ZBTB16: variants seen among roughly 807,000 people sequenced by gnomAD.
The protein encoded by ZBTB16 is zinc finger and BTB domain-containing protein 16.
ZBTB16 carries 8 observed loss-of-function variants against 56.8 expected under a neutral mutation model. The ratio of observed to expected loss-of-function variants is 0.14; its 90% CI spans 0.08 to 0.25. The LOEUF is 0.25. Ranked by LOEUF, ZBTB16 falls within the 10% of genes least tolerant of loss-of-function variation. The pLI, the probability that ZBTB16 is intolerant of heterozygous loss-of-function variation, is 1.00. For missense variants in ZBTB16, 625 were observed against 903.0 expected (o/e 0.69, Z 3.95); for synonymous variants, 363 against 368.5 (o/e 0.98, Z 0.17).
At chr11:114,094,465 G>A (rs1464832701) in intron 2 of ZBTB16, among the ~76,000 whole-genome samples, 1 of 152,220 alleles carries the variant, frequency 6.6e-6, no homozygotes, top group African/African-American at 2.4e-5. Flanking sequence ...TTGATGAAGG[G>A]CATGGGCCAC....
At chr11:114,152,666 T>C (rs1463791881) in intron 2 of ZBTB16, among the ~76,000 whole-genome samples, 1 of 152,202 alleles carries the variant, frequency 6.6e-6, no homozygotes, top group African/African-American at 2.4e-5. Context: ...AGGATGGAGA[T>C]GCGTGGGCTG....
At chr11:114,097,489 G>A (rs978525967) in intron 2 of ZBTB16, among the ~76,000 whole-genome samples, 1 of 152,080 alleles carries the variant, frequency 6.6e-6, no homozygotes, top group African/African-American at 2.4e-5. Context: ...CAATAAAAAT[G>A]TATTTTATGT....
chr11:114,215,382 G>C (rs1944075344), intron 4 of ZBTB16, among the ~76,000 whole-genome samples: 2 of 152,136 alleles, frequency 1.3e-5, no homozygotes, highest in South Asian at 4.1e-4. Flanking sequence ...CTGGAGGATT[G>C]AGATGGGTTA....
At chr11:114,170,724 A>G (rs71477234) in intron 3 of ZBTB16, among the ~76,000 whole-genome samples, 11 of 152,128 alleles carry the variant, frequency 7.2e-5, no homozygotes, top group Non-Finnish European at 1.5e-4. Flanking sequence ...CTTACTGACT[A>G]TTATAAGCTA....
chr11:114,118,062 T>G (rs1485624161), intron 2 of ZBTB16, among the ~76,000 whole-genome samples: 1 of 152,198 alleles, frequency 6.6e-6, no homozygotes, highest in East Asian at 1.9e-4. Context: ...ACAACTGACT[T>G]AATCACAGGA....
intron 3 of ZBTB16, among the ~76,000 whole-genome samples, chr11:114,172,687 G>A (rs1458554322): frequency 6.6e-6 from 1 of 152,168 alleles, no homozygotes; most frequent in Non-Finnish European, 1.5e-5. Context: ...GGTCTCAAAG[G>A]TGCACGTGGA....
chr11:114,172,736 C>T (rs568787659), intron 3 of ZBTB16, among the ~76,000 whole-genome samples: 3 of 152,304 alleles, frequency 2.0e-5, no homozygotes, highest in South Asian at 4.1e-4. Context: ...ACACCAAACT[C>T]GCAGGTCTTC....
At chr11:114,076,849 C>A (rs1231329800) in intron 2 of ZBTB16, among the ~76,000 whole-genome samples, 28 of 152,104 alleles carry the variant, frequency 1.8e-4, no homozygotes, top group Admixed American at 1.8e-3. Flanking sequence ...CTCTCCCGCG[C>A]CTTTCCCCCC....
rs1341307356 is a variant in ZBTB16 at position 114,254,882 on chromosome 11, G to T, written c.*4327G>T. Among the ~76,000 whole-genome samples, 1 of 152,186 alleles carries T rather than the reference G, an allele frequency of 6.6e-6. No individual in the cohort carries two copies. Among genetic ancestry groups the T allele is most frequent in the African/African-American group, 2.4e-5 (1 of 41,434 alleles). On this transcript the variant is annotated 3_prime_UTR_variant, in exon 7 of 7. Coordinates refer to ENST00000335953, the MANE Select transcript of ZBTB16 (RefSeq NM_006006.6). ...GAGGGGTGCAGGACAAACCAGAGAG[G>T]TTGGGTCAGGGGAAAAGGGTGGGGA...
chr11:114,235,947 T>C (rs1944581041), intron 4 of ZBTB16, among the ~76,000 whole-genome samples: 1 of 152,046 alleles, frequency 6.6e-6, no homozygotes, highest in Middle Eastern at 3.4e-3. Flanking sequence ...TCCCAGATAT[T>C]TGCATGGATC....
intron 3 of ZBTB16, chr11:114,180,800 A>T (rs1166388243): frequency 1.3e-5 from 2 of 152,280 alleles, no homozygotes; most frequent in African/African-American, 4.8e-5. Flanking sequence ...GGCGCAGGGT[A>T]TCAGGGATAT....
chr11:114,144,921 A>G (rs1942058540), intron 2 of ZBTB16, among the ~76,000 whole-genome samples: 1 of 152,214 alleles, frequency 6.6e-6, no homozygotes, highest in Non-Finnish European at 1.5e-5. Context: ...AGGGGTTGAA[A>G]TCACATATGT....
intron 2 of ZBTB16, among the ~76,000 whole-genome samples, chr11:114,073,956 G>T (rs1279313570): frequency 6.6e-6 from 1 of 152,214 alleles, no homozygotes; most frequent in African/African-American, 2.4e-5. Context: ...CACTGCAGGG[G>T]CAGAAAGACT....
intron 2 of ZBTB16, among the ~76,000 whole-genome samples, chr11:114,072,876 C>T (rs1177947813): frequency 6.6e-6 from 1 of 151,888 alleles, no homozygotes; most frequent in East Asian, 1.9e-4. Context: ...CACAGTGAAA[C>T]CCCGTCTCTA....
chr11:114,104,834 G>C (rs762710122), intron 2 of ZBTB16, among the ~76,000 whole-genome samples: 1 of 152,164 alleles, frequency 6.6e-6, no homozygotes, highest in Non-Finnish European at 1.5e-5. Context: ...GAGAACGGTG[G>C]TGTCTCTTGT....
chr11:114,240,547 C>G (rs761940834), intron 4 of ZBTB16, among the ~76,000 whole-genome samples: 5 of 151,440 alleles, frequency 3.3e-5, no homozygotes, highest in Non-Finnish European at 5.9e-5. Flanking sequence ...GGTGTGGGGC[C>G]AAGTGCAGGT....
At chr11:114,227,335 CAG>C (rs1258714263) in intron 4 of ZBTB16, among the ~76,000 whole-genome samples, 4 of 152,222 alleles carry the variant, frequency 2.6e-5, no homozygotes, top group Non-Finnish European at 4.4e-5. Context: ...GGTCAGCAGA[CAG>C]GGGAGGATGT....
At chr11:114,208,001 G>A (rs958709014) in intron 4 of ZBTB16, among the ~76,000 whole-genome samples, 2 of 152,082 alleles carry the variant, frequency 1.3e-5, no homozygotes, top group Admixed American at 6.6e-5. Flanking sequence ...CACCCACTTC[G>A]GCCTCCCAAA....
intron 2 of ZBTB16, among the ~76,000 whole-genome samples, chr11:114,148,387 TC>T (rs1410611513): frequency 1.1e-5 from 1 of 87,158 alleles, no homozygotes; most frequent in African/African-American, 5.4e-5. Context: ...CTTCCTTCCT[TC>T]CTCCTTCCCT....
Sources: allele counts gnomAD v4.1 joint callset (sites outside exome capture counted in the v4.1 genomes callset), GRCh38; gene constraint gnomAD v4.1.1; transcripts MANE v1.5; gene names NCBI Gene and HGNC (gene_info 2026-07-23, HGNC 2026-07-21).